Variants in ZBTB20 observed in about 807,000 individuals in gnomAD.
ZBTB20 encodes zinc finger and BTB domain-containing protein 20.
A neutral mutation model predicts 56.9 loss-of-function variants in ZBTB20; 9 were observed. That is an observed-to-expected ratio of 0.16 (90% CI 0.10 to 0.28). The LOEUF (loss-of-function observed/expected upper bound fraction) is 0.28. ZBTB20 is among the 10% of genes least tolerant of loss of function. The probability of loss-of-function intolerance (pLI) is 1.00; values close to 1 mark genes in which losing one functional copy is unlikely to be tolerated. For synonymous variants in ZBTB20, 417 were observed against 420.7 expected, an observed-to-expected ratio of 0.99 and a Z score of 0.11; for missense variants, 655 against 1,003.0, an observed-to-expected ratio of 0.65 and a Z score of 4.69.
chr3:114,860,019 G>C (rs1435529347), intron 4 of ZBTB20, among the ~76,000 whole-genome samples: 2 of 152,042 alleles, frequency 1.3e-5, no homozygotes, highest in Non-Finnish European at 2.9e-5. Flanking sequence ...CTATAATTCT[G>C]AAATTACAGC....
chr3:115,089,917 TTA>T (rs1049897161), intron 1 of ZBTB20, among the ~76,000 whole-genome samples: 1 of 151,846 alleles, frequency 6.6e-6, no homozygotes, highest in Non-Finnish European at 1.5e-5. Flanking sequence ...TAAAGTAAGA[TTA>T]TGTTTAGTTA....
intron 1 of ZBTB20, among the ~76,000 whole-genome samples, chr3:115,107,464 C>T (rs1248154019): frequency 6.6e-6 from 1 of 151,740 alleles, no homozygotes; most frequent in South Asian, 2.1e-4. Flanking sequence ...ATATCTCACA[C>T]CAGTCAGAAT....
rs553113479 is a variant in ZBTB20, at chr3:114,577,691, C to T, written c.-294-77300G>A. ...CTGAACCTGGCTTACTACTTTATCA[C>T]GAGGCTACAAAAATTTGGCCAACTA... On this transcript the variant is annotated intron_variant, in intron 6 of 11. Transcript: ENST00000675478. 7.2e-5 allele frequency among the ~76,000 whole-genome samples: 11 copies of T among 152,200 alleles called. No individual in the cohort carries two copies. In the South Asian group the frequency reaches 1.0e-3, roughly 14 times the overall value.
chr3:114,768,198 G>C (rs2068919846), intron 5 of ZBTB20, among the ~76,000 whole-genome samples: 1 of 151,858 alleles, frequency 6.6e-6, no homozygotes, highest in Non-Finnish European at 1.5e-5. Context: ...ATAAAAAGGT[G>C]TTCCTTCTCT....
At chr3:115,051,194 G>T (rs1263090917) in intron 2 of ZBTB20, among the ~76,000 whole-genome samples, 1 of 151,968 alleles carries the variant, frequency 6.6e-6, no homozygotes. Context: ...TATATTTTGG[G>T]TAGTATGTTA....
In ZBTB20 at chr3:114,335,570, T is replaced by C. The variant is rs1281097798; in HGVS notation, c.*3435A>G. ...GTGGCCATTTGATGGGCCAGGAACATAGCAATAAACAACTACCTCTTTGCT... is the reference window on the plus strand; with the variant it reads ...GTGGCCATTTGATGGGCCAGGAACACAGCAATAAACAACTACCTCTTTGCT... On this transcript the variant is annotated 3_prime_UTR_variant, in exon 12 of 12. Transcript: ENST00000675478. The C allele has an allele frequency of 1.3e-5, 2 of 152,210 alleles. No individual in the cohort carries two copies. The highest frequency in any genetic ancestry group is 2.9e-5 in the Non-Finnish European group (2 of 68,028). 9.4% of individuals were successfully genotyped at this position (152,210 alleles called of 1,614,324 possible).
At position 114,329,711 on chromosome 3, in the gene ZBTB20, A is replaced by G. The variant is rs1416917674; in HGVS notation, c.*9294T>C. On this transcript the variant is annotated 3_prime_UTR_variant, in exon 12 of 12. Transcript: ENST00000675478. ...AAACTCTGGTTTTACTTTTTTTGGA[A>G]AAAAAAAAAAAAAAAAAAAAAAAAA... The G allele has an allele frequency of 4.7e-5, 3 of 63,990 alleles. No homozygotes were observed. The highest frequency in any genetic ancestry group is 1.6e-4 in the Admixed American group (1 of 6,314). 4.0% of individuals were successfully genotyped at this position (63,990 alleles called of 1,614,324 possible).
At chr3:114,458,551 T>C (rs978825156) in intron 7 of ZBTB20, among the ~76,000 whole-genome samples, 1 of 152,168 alleles carries the variant, frequency 6.6e-6, no homozygotes, top group Non-Finnish European at 1.5e-5. Context: ...GCTGATGACC[T>C]GCTCATGATA....
chr3:114,964,337 T>C (rs7634318), intron 3 of ZBTB20, among the ~76,000 whole-genome samples: 21,376 of 151,926 alleles, frequency 0.14, 3,446 homozygotes, highest in African/African-American at 0.4. Context: ...AATGCTTGAA[T>C]CCGGGAGGCA....
intron 4 of ZBTB20, among the ~76,000 whole-genome samples, chr3:114,839,468 A>AAAGAAAGAAAGAAAGG: frequency 6.6e-6 from 1 of 150,558 alleles, no homozygotes; most frequent in South Asian, 2.1e-4. Context: ...AGAAAGAAAG[A>AAAGAAAGAAAGAAAGG]GAGAGAGAAA....
chr3:115,075,692 T>G (rs1470184041), intron 1 of ZBTB20, among the ~76,000 whole-genome samples: 1 of 152,130 alleles, frequency 6.6e-6, no homozygotes, highest in Non-Finnish European at 1.5e-5. Context: ...TGGAAAAAAC[T>G]GAAAGCTATT....
chr3:114,509,985 G>T (rs1256386716), intron 6 of ZBTB20, among the ~76,000 whole-genome samples: 1 of 152,054 alleles, frequency 6.6e-6, no homozygotes, highest in Non-Finnish European at 1.5e-5. Flanking sequence ...AACCCTTCAG[G>T]CCAAACCACA....
At chr3:114,365,523 C>G (rs1029953896) in intron 10 of ZBTB20, among the ~76,000 whole-genome samples, 2 of 152,130 alleles carry the variant, frequency 1.3e-5, no homozygotes, top group Admixed American at 1.3e-4. Context: ...GTGGATTTCT[C>G]AAGAACTATC....
At chr3:114,436,979 C>T (rs1372643036) in intron 7 of ZBTB20, among the ~76,000 whole-genome samples, 3 of 152,178 alleles carry the variant, frequency 2.0e-5, no homozygotes, top group Non-Finnish European at 4.4e-5. Context: ...AAACATACCA[C>T]GGAGGGGTCA....
At chr3:114,432,880 T>C (rs867982997) in intron 7 of ZBTB20, among the ~76,000 whole-genome samples, 9 of 152,136 alleles carry the variant, frequency 5.9e-5, no homozygotes, top group African/African-American at 1.9e-4. Context: ...CTACCTCATT[T>C]GGACTGAGGT....
intron 4 of ZBTB20, among the ~76,000 whole-genome samples, chr3:114,811,062 T>C (rs2072483076): frequency 6.6e-6 from 1 of 152,242 alleles, no homozygotes; most frequent in African/African-American, 2.4e-5. Flanking sequence ...CTTTGGTTAA[T>C]AATGAGTTGC....
rs570632920 is a variant in ZBTB20 at position 114,353,733 on chromosome 3, C to A, written c.200-1855G>T. Among the ~76,000 whole-genome samples, 5 of 152,282 alleles carry A rather than the reference C, an allele frequency of 3.3e-5. No homozygotes were observed. In the East Asian group the frequency reaches 9.6e-4, roughly 29 times the overall value. ...TACATACATACCATGATAGTAATCACAAGATAACATTTTTTAGGGGTTACA... is the reference window on the plus strand; with the variant it reads ...TACATACATACCATGATAGTAATCAAAAGATAACATTTTTTAGGGGTTACA... On this transcript the variant is annotated intron_variant, in intron 10 of 11. Coordinates refer to ENST00000675478, the MANE Select transcript of ZBTB20 (RefSeq NM_001348800.3).
At chr3:114,488,729 T>G (rs1420711270) in intron 7 of ZBTB20, among the ~76,000 whole-genome samples, 1 of 152,236 alleles carries the variant, frequency 6.6e-6, no homozygotes, top group Non-Finnish European at 1.5e-5. Flanking sequence ...AATAATCATG[T>G]AAGTGTACAA....
chr3:114,799,598 T>C (rs540107532), intron 5 of ZBTB20, among the ~76,000 whole-genome samples: 1 of 152,106 alleles, frequency 6.6e-6, no homozygotes, highest in South Asian at 2.1e-4. Context: ...TGATTACCTA[T>C]TATTGTGCCA....
Sources: allele counts gnomAD v4.1 joint callset (sites outside exome capture counted in the v4.1 genomes callset), GRCh38; gene constraint gnomAD v4.1.1; transcripts MANE v1.5; gene names NCBI Gene and HGNC (gene_info 2026-07-23, HGNC 2026-07-21).